The following CMTM4 variants were observed in gnomAD, a reference collection of about 807,000 sequenced individuals.
CMTM4 encodes the protein CKLF like MARVEL transmembrane domain containing 4.
CMTM4 carries 8 observed loss-of-function variants against 19.0 expected under a neutral mutation model. The observed-to-expected ratio is 0.42, with a 90% confidence interval of 0.25 to 0.76. The LOEUF is 0.76. Among genes scored for constraint, CMTM4 ranks in the 30% least tolerant of loss-of-function variants. The pLI, the probability that CMTM4 is intolerant of heterozygous loss-of-function variation, is 0.27. For synonymous variants in CMTM4, 106 were observed against 121.1 expected, an observed-to-expected ratio of 0.88 and a Z score of 0.82; for missense variants, 228 against 290.2, an observed-to-expected ratio of 0.79 and a Z score of 1.56.
At chr16:66,672,418 CAA>C (rs58252678) in intron 1 of CMTM4, among the ~76,000 whole-genome samples, 24 of 74,692 alleles carry the variant, frequency 3.2e-4, no homozygotes, top group African/African-American at 7.4e-4. Context: ...GACTACGTCT[CAA>C]AAAAAAAAAA....
chr16:66,604,975 C>A, the CMTM4 span: 1 of 1,472,244 alleles, frequency 6.8e-7, no homozygotes. Context: ...GGACCCTCGG[C>A]CGCCCCGCTA....
the CMTM4 span, among the ~76,000 whole-genome samples, chr16:66,601,097 GTGTGTGTGTC>G: frequency 2.0e-5 from 3 of 148,804 alleles, no homozygotes; most frequent in African/African-American, 5.0e-5. Context: ...GTGTGTGTGT[GTGTGTGTGTC>G]TGTGTGTGTG....
intron 1 of CMTM4, among the ~76,000 whole-genome samples, chr16:66,660,688 T>C (rs1207976549): frequency 6.6e-6 from 1 of 152,208 alleles, no homozygotes; most frequent in Non-Finnish European, 1.5e-5. Context: ...TGGTATTACT[T>C]GTGTGATTTC....
intron 1 of CMTM4, among the ~76,000 whole-genome samples, chr16:66,642,717 AAAAC>A (rs1045219660): frequency 5.3e-5 from 8 of 152,154 alleles, no homozygotes; most frequent in African/African-American, 1.9e-4. Flanking sequence ...CTTCATCACC[AAAAC>A]AAACAAACGA....
chr16:66,622,033 G>A lies in CMTM4; in HGVS notation c.*25C>T, dbSNP rs377585078. ...GACTGAGAGACAGGCACGAGGACGG[G>A]AGGGAGGAGGATCCAGGCAGGTCCT... On this transcript the variant is annotated 3_prime_UTR_variant, in exon 4 of 4. Transcript: ENST00000394106. This position sits in a 1 kb window ranked among gnomAD's most constrained non-coding sequence, Gnocchi z 4.0. The A allele has an allele frequency of 3.5e-4, 546 of 1,548,822 alleles. 2 individuals carry two copies. The highest frequency in any genetic ancestry group is 4.5e-4 in the Non-Finnish European group (511 of 1,142,758).
At chr16:66,682,113 G>A (rs1293462560) in intron 1 of CMTM4, among the ~76,000 whole-genome samples, 1 of 152,134 alleles carries the variant, frequency 6.6e-6, no homozygotes, top group Non-Finnish European at 1.5e-5. Flanking sequence ...GCTCTTTGGA[G>A]GCAGAGATTT....
At chr16:66,600,129 T>G in the CMTM4 span, among the ~76,000 whole-genome samples, 490 of 144,488 alleles carry the variant, frequency 3.4e-3, 4 homozygotes, top group African/African-American at 0.012. Flanking sequence ...TGTGTGTGTG[T>G]GTGTGTGTTT....
chr16:66,687,878 C>G (rs147712865), intron 1 of CMTM4, among the ~76,000 whole-genome samples: 1,702 of 151,924 alleles, frequency 0.011, 31 homozygotes, highest in African/African-American at 0.036. Flanking sequence ...TCATTGAGAC[C>G]GGGTTTCACC....
chr16:66,653,298 C>T (rs79730006), intron 1 of CMTM4, among the ~76,000 whole-genome samples: 1,655 of 152,258 alleles, frequency 0.011, 8 homozygotes, highest in Non-Finnish European at 0.018. Context: ...AAATAGTGAA[C>T]TGCATATCAT....
At position 66,619,990 on chromosome 16, in the gene CMTM4, C is replaced by T. The variant is rs2015599258; in HGVS notation, c.*2068G>A. ...ATATCCTCAGGAGGCCAACCACCTG[C>T]CCCCCTCTTTCACCAGATGATCAAG... On this transcript the variant is annotated 3_prime_UTR_variant, in exon 4 of 4. Coordinates refer to ENST00000394106, the MANE Select transcript of CMTM4 (RefSeq NM_181521.3). 1.0e-6 allele frequency: 1 copy of T among 985,258 alleles called. No homozygotes were observed. The allele number at this position is 985,258 out of a possible 1,614,324, so 61.0% of individuals were successfully genotyped here.
intron 2 of CMTM4, among the ~76,000 whole-genome samples, chr16:66,632,644 G>C (rs1371890195): frequency 6.6e-6 from 1 of 152,100 alleles, no homozygotes; most frequent in Non-Finnish European, 1.5e-5. Flanking sequence ...CCACTGGCAG[G>C]CTTTTGGGAT....
At chr16:66,681,806 G>A (rs2016920669) in intron 1 of CMTM4, among the ~76,000 whole-genome samples, 1 of 152,038 alleles carries the variant, frequency 6.6e-6, no homozygotes, top group African/African-American at 2.4e-5. Context: ...CAAATCACTT[G>A]CCCTTCCCTT....
At chr16:66,612,692 T>TGAGG, downstream of CMTM4, 4 of 1,546,900 alleles carry the variant, frequency 2.6e-6, no homozygotes, top group Non-Finnish European at 3.6e-6. The surrounding 1 kb of genome is among the most constrained non-coding windows in gnomAD (Gnocchi z 6.0). Flanking sequence ...CCCCTGCGCC[T>TGAGG]CACAGGGGTC....
In CMTM4 at chr16:66,621,550, G is replaced by A. The variant is rs2015634708; in HGVS notation, c.*508C>T. The A allele has an allele frequency of 1.0e-6, 1 of 988,636 alleles. No individual in the cohort carries two copies. 61.2% of individuals were successfully genotyped at this position (988,636 alleles called of 1,614,324 possible). A position where few individuals can be genotyped will look rare whatever the true frequency, so the allele number is the denominator to read the frequency against. ...AGCTTTCCCCAGCCCTGTGGCCTTT[G>A]GGCTGGTGCTGGCTGCCTGGGGGCC... is the stretch of plus-strand genomic sequence containing the variant. On this transcript the variant is annotated 3_prime_UTR_variant, in exon 4 of 4. Coordinates refer to ENST00000394106, the MANE Select transcript of CMTM4 (RefSeq NM_181521.3).
In CMTM4 at chr16:66,615,443, G is replaced by A. The variant is rs2015507966; in HGVS notation, c.*6615C>T. On this transcript the variant is annotated 3_prime_UTR_variant, in exon 4 of 4. Transcript: ENST00000394106. This position sits in a 1 kb window ranked among gnomAD's most constrained non-coding sequence, Gnocchi z 4.9. ...GTCCTGCAGGAAGGAGAAGCAAAAG[G>A]AGCCGGTGAAGAGTACGTGTCTGTG... is the stretch of plus-strand genomic sequence containing the variant. The A allele has an allele frequency of 6.6e-6, 1 of 152,244 alleles. No individual in the cohort carries two copies. Among genetic ancestry groups the A allele is most frequent in the South Asian group, 2.1e-4 (1 of 4,838 alleles). The allele number at this position is 152,244 out of a possible 1,614,324, so 9.4% of individuals were successfully genotyped here.
rs1391510306 is a variant in CMTM4 at position 66,618,095 on chromosome 16, A to T, written c.*3963T>A. 1.0e-6 allele frequency: 1 copy of T among 985,346 alleles called. No homozygotes were observed. Among genetic ancestry groups the T allele is most frequent in the African/African-American group, 1.7e-5 (1 of 57,240 alleles). The allele number at this position is 985,346 out of a possible 1,614,324, so 61.0% of individuals were successfully genotyped here. ...CCTGGACGTGGGTGCTGATAAAATA[A>T]GACAAACCTGGAAAAAACCCTGGAT... On this transcript the variant is annotated 3_prime_UTR_variant, in exon 4 of 4. Coordinates refer to ENST00000394106, the MANE Select transcript of CMTM4 (RefSeq NM_181521.3).
chr16:66,666,209 T>C (rs1831296230), intron 1 of CMTM4, among the ~76,000 whole-genome samples: 1 of 152,084 alleles, frequency 6.6e-6, no homozygotes, highest in Admixed American at 6.5e-5. Context: ...TCCCAGCACT[T>C]TGGGAGGCCG....
At chr16:66,684,185 G>A (rs1181765458) in intron 1 of CMTM4, among the ~76,000 whole-genome samples, 1 of 151,316 alleles carries the variant, frequency 6.6e-6, no homozygotes, top group Non-Finnish European at 1.5e-5. Flanking sequence ...TCTTTTTTTC[G>A]TTTTTGAGAC....
the CMTM4 span, among the ~76,000 whole-genome samples, chr16:66,598,711 G>A: frequency 5.3e-5 from 8 of 152,162 alleles, no homozygotes; most frequent in Non-Finnish European, 1.0e-4. Context: ...CATGCTGTCT[G>A]CAGAATGCAT....
Sources: allele counts gnomAD v4.1 joint callset (sites outside exome capture counted in the v4.1 genomes callset), GRCh38; gene constraint gnomAD v4.1.1; non-coding constraint Gnocchi (gnomAD v3.1); transcripts MANE v1.5; gene names NCBI Gene and HGNC (gene_info 2026-07-23, HGNC 2026-07-21).